XRCC4: variants seen among roughly 807,000 people sequenced by gnomAD.
XRCC4 encodes X-ray repair cross complementing 4.
XRCC4 carries 28 observed loss-of-function variants against 39.1 expected under a neutral mutation model. The observed-to-expected ratio is 0.72, with a 90% CI of 0.53 to 0.98. The LOEUF (loss-of-function observed/expected upper bound fraction) is 0.98, where lower values mean the gene tolerates loss of function less well. XRCC4 is among the 50% of genes least tolerant of loss of function. The pLI is 0.00. For missense variants in XRCC4, 350 were observed against 376.4 expected (o/e 0.93, Z 0.58); for synonymous variants, 123 against 126.4 (o/e 0.97, Z 0.18).
intron 2 of XRCC4, among the ~76,000 whole-genome samples, chr5:83,109,556 A>G (rs927845567): frequency 2.0e-5 from 3 of 152,006 alleles, no homozygotes; most frequent in Non-Finnish European, 4.4e-5. Flanking sequence ...CCAACCACAC[A>G]CACATTCCAA....
intron 3 of XRCC4, among the ~76,000 whole-genome samples, chr5:83,152,632 C>CAAAAAAA (rs59213558): frequency 9.8e-5 from 11 of 112,316 alleles, no homozygotes; most frequent in African/African-American, 1.5e-4. Flanking sequence ...GATCCTGTCT[C>CAAAAAAA]AAAAAAAAAA....
At chr5:83,240,147 C>G (rs1752850338) in intron 6 of XRCC4, among the ~76,000 whole-genome samples, 3 of 152,098 alleles carry the variant, frequency 2.0e-5, no homozygotes, top group Admixed American at 6.5e-5. Flanking sequence ...CCACTTCGGG[C>G]TGTGTGACAG....
intron 7 of XRCC4, among the ~76,000 whole-genome samples, chr5:83,344,305 T>C (rs1386668107): frequency 6.6e-6 from 1 of 151,944 alleles, no homozygotes; most frequent in Non-Finnish European, 1.5e-5. Context: ...GGCATGATCA[T>C]AGTTCACTGC....
At chr5:83,263,271 T>A (rs1285060227) in intron 7 of XRCC4, among the ~76,000 whole-genome samples, 1 of 151,958 alleles carries the variant, frequency 6.6e-6, no homozygotes, top group Non-Finnish European at 1.5e-5. Context: ...TGGTTCCAAG[T>A]CTTTGCTATT....
chr5:83,313,155 T>C (rs898827381), intron 7 of XRCC4, among the ~76,000 whole-genome samples: 7 of 150,840 alleles, frequency 4.6e-5, no homozygotes, highest in East Asian at 1.9e-4. Context: ...AGAAAAACCA[T>C]AAATTGAAAA....
chr5:83,100,263 A>G (rs1580216295), intron 1 of XRCC4, among the ~76,000 whole-genome samples: 1 of 152,158 alleles, frequency 6.6e-6, no homozygotes, highest in African/African-American at 2.4e-5. Flanking sequence ...ATAAAATCAT[A>G]TAATTTTTGT....
At chr5:83,125,252 G>C (rs1353949538) in intron 3 of XRCC4, among the ~76,000 whole-genome samples, 1 of 152,046 alleles carries the variant, frequency 6.6e-6, no homozygotes, top group Non-Finnish European at 1.5e-5. Flanking sequence ...TTATTAACAG[G>C]GTCTTATGTA....
chr5:83,140,788 C>T (rs1173709378), intron 3 of XRCC4, among the ~76,000 whole-genome samples: 3 of 152,080 alleles, frequency 2.0e-5, no homozygotes, highest in Non-Finnish European at 4.4e-5. Context: ...GGATTCATCT[C>T]AATTCTAGCT....
At chr5:83,287,884 T>C (rs1451959190) in intron 7 of XRCC4, among the ~76,000 whole-genome samples, 1 of 151,812 alleles carries the variant, frequency 6.6e-6, no homozygotes, top group Non-Finnish European at 1.5e-5. Context: ...CATAGGTTAT[T>C]ATAGACCTTA....
At position 83,353,009 on chromosome 5, in the gene XRCC4, T is replaced by C. The variant is rs4987240; in HGVS notation, c.894-122T>C. 3,615 of 741,944 alleles carry C rather than the reference T, an allele frequency of 4.9e-3. 94 individuals are homozygous for C. The African/African-American group carries it at 0.06, about 12-fold the overall frequency. 46.0% of individuals were successfully genotyped at this position (741,944 alleles called of 1,614,324 possible). ...ATAGTTAATAGCATAGAGAAATAAA[T>C]CTCTAAACCAATTTGAAACAGGATT... is the stretch of plus-strand genomic sequence containing the variant. On this transcript the variant is annotated intron_variant, in intron 7 of 7. Coordinates refer to ENST00000396027, the MANE Select transcript of XRCC4 (RefSeq NM_003401.5).
At chr5:83,216,365 G>T (rs1225064353) in intron 6 of XRCC4, among the ~76,000 whole-genome samples, 1 of 152,148 alleles carries the variant, frequency 6.6e-6, no homozygotes, top group Middle Eastern at 3.2e-3. Flanking sequence ...TTTCTGGTGG[G>T]AATGTAAAAT....
intron 3 of XRCC4, among the ~76,000 whole-genome samples, chr5:83,129,215 C>G (rs1361388785): frequency 7.0e-6 from 1 of 143,320 alleles, no homozygotes; most frequent in African/African-American, 2.7e-5. Context: ...TTTCCCAGCA[C>G]CATTTATTAA....
At chr5:83,369,136 T>C in the XRCC4 span, among the ~76,000 whole-genome samples, 1 of 152,186 alleles carries the variant, frequency 6.6e-6, no homozygotes, top group African/African-American at 2.4e-5. Context: ...TTTTACATAG[T>C]ACTCTAGATA....
intron 7 of XRCC4, among the ~76,000 whole-genome samples, chr5:83,263,063 C>G (rs536295243): frequency 0.019 from 2,734 of 142,948 alleles, 99 homozygotes; most frequent in African/African-American, 0.067. Context: ...TCTCATTGTT[C>G]AACTCCCACC....
intron 3 of XRCC4, among the ~76,000 whole-genome samples, chr5:83,174,823 G>A (rs1749878979): frequency 6.6e-6 from 1 of 152,120 alleles, no homozygotes; most frequent in African/African-American, 2.4e-5. Context: ...AGTTTTGTCT[G>A]GCTACATATG....
chr5:83,156,248 A>G (rs16900198), intron 3 of XRCC4, among the ~76,000 whole-genome samples: 2,185 of 150,862 alleles, frequency 0.014, 62 homozygotes, highest in African/African-American at 0.051. Flanking sequence ...TTTGGGAACC[A>G]TAAGTGAAAT....
chr5:83,270,671 T>C (rs1484134217), intron 7 of XRCC4, among the ~76,000 whole-genome samples: 3 of 151,998 alleles, frequency 2.0e-5, no homozygotes, highest in African/African-American at 7.3e-5. Context: ...TTGTACTTAG[T>C]CTAAACTCAT....
intron 6 of XRCC4, among the ~76,000 whole-genome samples, chr5:83,205,487 A>G (rs1751386217): frequency 6.6e-6 from 1 of 152,138 alleles, no homozygotes; most frequent in South Asian, 2.1e-4. Flanking sequence ...TAAACCCATG[A>G]GTTATTTTTT....
At chr5:83,328,028 G>A (rs1459724199) in intron 7 of XRCC4, among the ~76,000 whole-genome samples, 1 of 152,048 alleles carries the variant, frequency 6.6e-6, no homozygotes, top group Non-Finnish European at 1.5e-5. Flanking sequence ...CTGAGATTGG[G>A]AAGAAAAAGA....
Sources: allele counts gnomAD v4.1 joint callset (sites outside exome capture counted in the v4.1 genomes callset), GRCh38; gene constraint gnomAD v4.1.1; transcripts MANE v1.5; gene names NCBI Gene and HGNC (gene_info 2026-07-23, HGNC 2026-07-21).